The following PDILT variants were observed in gnomAD, a reference collection of about 807,000 sequenced individuals.
PDILT encodes protein disulfide isomerase like, testis expressed, also known as protein disulfide-isomerase-like protein of the testis.
Under a neutral mutation model 53.7 loss-of-function variants are expected in PDILT, and 43 were observed. The observed-to-expected ratio is 0.80, with a 90% CI of 0.63 to 1.03. The LOEUF (loss-of-function observed/expected upper bound fraction) is 1.03. Ranked by LOEUF, PDILT falls within the 50% of genes least tolerant of loss-of-function variation. PDILT has a pLI of 0.00. For synonymous variants in PDILT, 282 were observed against 274.2 expected (o/e 1.03, Z -0.28); for missense variants, 727 against 712.3 (o/e 1.02, Z -0.24).
chr16:20,402,933 C>T (rs894661944), intron 1 of PDILT, among the ~76,000 whole-genome samples: 2 of 152,220 alleles, frequency 1.3e-5, no homozygotes, highest in Non-Finnish European at 2.9e-5. Flanking sequence ...TAGCCTGACA[C>T]CACTGTGGCT....
At chr16:20,361,739 C>G (rs1966104094) in intron 10 of PDILT, among the ~76,000 whole-genome samples, 1 of 152,102 alleles carries the variant, frequency 6.6e-6, no homozygotes, top group African/African-American at 2.4e-5. Context: ...GTACACAGTC[C>G]CTCCTCTAAC....
intron 1 of PDILT, among the ~76,000 whole-genome samples, chr16:20,403,950 C>T (rs1966780409): frequency 6.6e-6 from 1 of 152,156 alleles, no homozygotes; most frequent in Admixed American, 6.6e-5. Flanking sequence ...AAGGGTCTTC[C>T]CGGGCCACTC....
At chr16:20,393,705 G>A (rs1429903938) in intron 2 of PDILT, among the ~76,000 whole-genome samples, 3 of 152,178 alleles carry the variant, frequency 2.0e-5, no homozygotes, top group African/African-American at 7.2e-5. Context: ...CCGAATTTCT[G>A]GCAGGGGACA....
intron 2 of PDILT, among the ~76,000 whole-genome samples, chr16:20,385,622 A>C (rs866847196): frequency 1.6e-4 from 24 of 152,158 alleles, no homozygotes; most frequent in Middle Eastern, 3.2e-3. Context: ...ATCAAAAAAA[A>C]CTGCATATTG....
rs143949312 is a variant in PDILT at position 20,376,124 on chromosome 16, C to T, written c.487G>A (p.Glu163Lys). 1.7e-5 allele frequency: 28 copies of T among 1,614,062 alleles called. No homozygotes were observed. The highest frequency in any genetic ancestry group is 5.5e-5 in the South Asian group (5 of 91,078). Residue 163 changes from glutamate (E) to lysine (K), a missense_variant, in exon 4 of 12, where the codon GAG becomes AAG. Glu to Lys is a moderately conservative substitution (Grantham distance 56, BLOSUM62 1). Coordinates refer to ENST00000302451, the MANE Select transcript of PDILT (RefSeq NM_174924.2). ...SQKAFLFNSS[E>K]QVAEFVISRP... ...GATATCACAAACTCTGCCACCTGCT[C>T]GCTGCTGTTGAACAAAAATGCTTTC...
rs1966066472 is a variant in PDILT at position 20,359,496 on chromosome 16, C to G, written c.1578G>C (p.Met526Ile). 3.7e-6 allele frequency: 6 copies of G among 1,614,120 alleles called. No individual in the cohort carries two copies. The highest frequency in any genetic ancestry group is 4.2e-6 in the Non-Finnish European group (5 of 1,179,976). Residue 526 changes from methionine to isoleucine, a missense_variant, in exon 12 of 12, where the codon ATG becomes ATC. By Grantham distance (10) the Met-to-Ile change is conservative (BLOSUM62 1). Coordinates refer to ENST00000302451, the MANE Select transcript of PDILT (RefSeq NM_174924.2). The stretch of plus-strand genomic sequence containing the variant: ...ACTGCTGTTCAGGTAACCCTTTCCT[C>G]ATCATAGGCACCTCCTTTTCCTCAG... ...VLAEEKEVPMMRKGLPEQQSP... is the reference protein window; with the variant it reads ...VLAEEKEVPMIRKGLPEQQSP...
chr16:20,392,322 G>A (rs567794744), intron 2 of PDILT, among the ~76,000 whole-genome samples: 2 of 152,110 alleles, frequency 1.3e-5, no homozygotes, highest in African/African-American at 2.4e-5. Context: ...GAGGTCTGTC[G>A]TGGACATGTG....
chr16:20,379,020 T>C (rs1596588373), intron 3 of PDILT, among the ~76,000 whole-genome samples: 1 of 52,562 alleles, frequency 1.9e-5, no homozygotes, highest in South Asian at 7.7e-4. Flanking sequence ...TTTTAGGGCA[T>C]TTTTTTTTTT....
intron 8 of PDILT, among the ~76,000 whole-genome samples, chr16:20,368,211 G>A (rs377199507): frequency 8.5e-5 from 13 of 152,212 alleles, no homozygotes; most frequent in Admixed American, 4.6e-4. Flanking sequence ...GACCAGGGTC[G>A]TAGACACTGA....
intron 8 of PDILT, among the ~76,000 whole-genome samples, chr16:20,366,754 A>G (rs1023335289): frequency 6.6e-6 from 1 of 152,052 alleles, no homozygotes; most frequent in African/African-American, 2.4e-5. Context: ...CATTTTCTCC[A>G]TCTGTGTGGT....
In PDILT at chr16:20,376,321, A is replaced by G; in HGVS notation, c.410-120T>C. ...CTTGTCTCAGGCTCCCACCCCTTGA[A>G]GGCCAAAGTCAGTTCCTCCATTCCC... is the stretch of plus-strand genomic sequence containing the variant. On this transcript the variant is annotated intron_variant, in intron 3 of 11. Coordinates refer to ENST00000302451, the MANE Select transcript of PDILT (RefSeq NM_174924.2). 4 of 1,207,668 alleles carry G rather than the reference A, an allele frequency of 3.3e-6. No individual in the cohort carries two copies. In the South Asian group the frequency reaches 4.7e-5, roughly 14 times the overall value. The allele number at this position is 1,207,668 out of a possible 1,614,324, so 74.8% of individuals were successfully genotyped here.
chr16:20,367,963 G>A (rs1479786656), intron 8 of PDILT, among the ~76,000 whole-genome samples: 1 of 152,122 alleles, frequency 6.6e-6, no homozygotes, highest in Non-Finnish European at 1.5e-5. Context: ...AGATGGAGGG[G>A]ATAAAGGAGG....
At chr16:20,373,259 G>T (rs1189388199) in intron 5 of PDILT, 137 bp from the exon 6 acceptor site, 4 of 720,412 alleles carry the variant, frequency 5.6e-6, no homozygotes, top group South Asian at 1.9e-5. Flanking sequence ...CTGTAATCTA[G>T]GTAGTTAATA....
At chr16:20,361,690 C>T (rs1335438549) in intron 10 of PDILT, among the ~76,000 whole-genome samples, 1 of 152,194 alleles carries the variant, frequency 6.6e-6, no homozygotes, top group Non-Finnish European at 1.5e-5. Context: ...GGTCACCCTT[C>T]TGCCCACCTC....
At chr16:20,382,378 A>C (rs1437916881) in intron 3 of PDILT, among the ~76,000 whole-genome samples, 2 of 152,224 alleles carry the variant, frequency 1.3e-5, no homozygotes, top group Non-Finnish European at 2.9e-5. Flanking sequence ...CTGTATAAAT[A>C]AAACTTTATT....
chr16:20,376,486 C>A (rs1181314023), intron 3 of PDILT, among the ~76,000 whole-genome samples: 1 of 152,218 alleles, frequency 6.6e-6, no homozygotes, highest in Non-Finnish European at 1.5e-5. Context: ...CACTTTTACT[C>A]TCCCCATTTT....
chr16:20,365,429 C>T lies in PDILT; in HGVS notation c.1228G>A (p.Val410Met). The T allele has an allele frequency of 1.2e-5, 19 of 1,614,030 alleles. No homozygotes were observed. Among genetic ancestry groups the T allele is most frequent in the Non-Finnish European group, 1.5e-5 (18 of 1,179,868 alleles). ...TCTTGGAGATACTTACAGAACATCA[C>T]AAATACGTCCTTTTCTTTGTCAAAG... ...VVFDKEKDVFVMFYAPWSKKC... is the reference protein window; with the variant it reads ...VVFDKEKDVFMMFYAPWSKKC... Residue 410 changes from valine (V) to methionine (M), a missense_variant, in exon 9 of 12, where the codon GTG (valine) becomes ATG (methionine). Coordinates refer to ENST00000302451, the MANE Select transcript of PDILT (RefSeq NM_174924.2).
At chr16:20,399,369 C>T (rs552272265) in intron 1 of PDILT, 62 bp from the exon 2 acceptor site, 1 of 1,547,144 alleles carries the variant, frequency 6.5e-7, no homozygotes, top group Non-Finnish European at 8.8e-7. Flanking sequence ...CCCACGTCAT[C>T]ACCCCCACTT....
chr16:20,365,573 T>C, intron 8 of PDILT, 33 bp from the exon 9 acceptor site: 1 of 1,609,510 alleles, frequency 6.2e-7, no homozygotes, highest in Non-Finnish European at 8.5e-7. Context: ...CTAAGAGTCT[T>C]CATAAAGGGT....
Sources: gnomAD v4.1 joint callset for allele counts (sites outside exome capture counted in the v4.1 genomes callset) on GRCh38, gnomAD v4.1.1 for gene constraint, MANE v1.5 for transcripts, NCBI Gene and HGNC (gene_info 2026-07-23, HGNC 2026-07-21) for gene names.